CCDC171: variants seen among roughly 807,000 people sequenced by gnomAD.
The protein encoded by CCDC171 is coiled-coil domain-containing protein 171.
CCDC171 carries 177 observed loss-of-function variants against 168.2 expected under a neutral mutation model. The observed-to-expected ratio is 1.05, with a 90% CI of 0.93 to 1.19. The LOEUF (loss-of-function observed/expected upper bound fraction) is 1.19, where lower values mean the gene tolerates loss of function less well. Among genes scored for constraint, CCDC171 ranks in the 50% most tolerant of loss-of-function variants. The pLI is 0.00. For missense variants in CCDC171, 1,991 were observed against 1,539.0 expected (o/e 1.29, Z -4.91); for synonymous variants, 687 against 540.8 (o/e 1.27, Z -3.75).
chr9:15,775,096 C>T (rs540681094), intron 18 of CCDC171, among the ~76,000 whole-genome samples: 1 of 125,186 alleles, frequency 8.0e-6, no homozygotes, highest in South Asian at 2.5e-4. Flanking sequence ...CCTCCAAAAC[C>T]TATTGAAATA....
intron 8 of CCDC171, among the ~76,000 whole-genome samples, chr9:15,665,262 G>A (rs1351225694): frequency 6.6e-6 from 1 of 152,104 alleles, no homozygotes; most frequent in East Asian, 1.9e-4. Context: ...GAGTAGCTGG[G>A]ACTACAGGCG....
Position 15,777,703 on chromosome 9 carries a change from G to T in CCDC171, c.2775G>T (p.Leu925=). The T allele has an allele frequency of 6.2e-7, 1 of 1,613,704 alleles. No individual in the cohort carries two copies. The highest frequency in any genetic ancestry group is 8.5e-7 in the Non-Finnish European group (1 of 1,179,708). The change falls in exon 19 of 26, where the codon CTG becomes CTT. Residue 925 remains leucine, a synonymous_variant. Transcript: ENST00000380701. The part of the protein sequence containing the change: ...KISLVMECIP[L]HSSRSITYVE... Reference sequence around the variant, plus strand: ...GTCTGGTAATGGAATGTATACCTCTGCACAGTAGCAGGAGTATTACATATG... The same window carrying T: ...GTCTGGTAATGGAATGTATACCTCTTCACAGTAGCAGGAGTATTACATATG...
intron 11 of CCDC171, among the ~76,000 whole-genome samples, chr9:15,721,025 G>A (rs79082418): frequency 0.017 from 2,598 of 152,228 alleles, 95 homozygotes; most frequent in African/African-American, 0.059. Flanking sequence ...TTGGAGCTAC[G>A]TTTGATCATG....
At chr9:15,743,383 G>C (rs1026557704) in intron 16 of CCDC171, among the ~76,000 whole-genome samples, 2 of 151,520 alleles carry the variant, frequency 1.3e-5, no homozygotes, top group African/African-American at 4.8e-5. Flanking sequence ...TGTTGCCCAG[G>C]ATGGTCTCAA....
exon 2 of CCDC171, chr9:16,061,198 A>T (rs1833927027): frequency 6.6e-6 from 1 of 152,164 alleles, no homozygotes; most frequent in African/African-American, 2.4e-5. Flanking sequence ...TATAAAATGG[A>T]ATTCTATAGG....
intron 8 of CCDC171, among the ~76,000 whole-genome samples, chr9:15,659,144 G>T (rs2048138845): frequency 6.6e-6 from 1 of 152,150 alleles, no homozygotes; most frequent in Non-Finnish European, 1.5e-5. Flanking sequence ...ATATGGTCAT[G>T]CAAAGTTACC....
At chr9:15,555,953 G>A (rs1563931254) in intron 1 of CCDC171, among the ~76,000 whole-genome samples, 2 of 152,016 alleles carry the variant, frequency 1.3e-5, no homozygotes, top group African/African-American at 2.4e-5. Context: ...CTGTCCTTGC[G>A]ATATTTTGCT....
At chr9:15,691,555 T>TATAC (rs1554762258) in intron 10 of CCDC171, among the ~76,000 whole-genome samples, 1 of 143,834 alleles carries the variant, frequency 7.0e-6, no homozygotes. Context: ...TTTATATATA[T>TATAC]ATATATATAT....
chr9:15,986,129 G>C (rs1014495989), intron 3 of CCDC171, among the ~76,000 whole-genome samples: 2 of 152,204 alleles, frequency 1.3e-5, no homozygotes, highest in African/African-American at 2.4e-5. Flanking sequence ...TGAAATCTGG[G>C]CCTCATTGCT....
chr9:16,014,468 A>G (rs566580478), intron 3 of CCDC171, among the ~76,000 whole-genome samples: 16 of 152,294 alleles, frequency 1.1e-4, no homozygotes, highest in African/African-American at 3.1e-4. Context: ...ACCTCCACCC[A>G]TGAATTACTA....
intron 25 of CCDC171, among the ~76,000 whole-genome samples, chr9:15,960,265 CTAA>C (rs1830214949): frequency 6.6e-6 from 1 of 152,136 alleles, no homozygotes; most frequent in African/African-American, 2.4e-5. Context: ...TAGTTAAGGT[CTAA>C]TAAATAATCC....
At chr9:15,705,726 T>C (rs1396387373) in intron 11 of CCDC171, among the ~76,000 whole-genome samples, 1 of 152,226 alleles carries the variant, frequency 6.6e-6, no homozygotes, top group Admixed American at 6.5e-5. Flanking sequence ...TATCATAGTA[T>C]ATGGAACATT....
intron 18 of CCDC171, among the ~76,000 whole-genome samples, chr9:15,770,237 C>T (rs1057440054): frequency 1.3e-5 from 2 of 152,092 alleles, no homozygotes; most frequent in African/African-American, 2.4e-5. Flanking sequence ...GAAGACCACC[C>T]AAAAAGTTCA....
the CCDC171 span, among the ~76,000 whole-genome samples, chr9:16,105,683 G>T: frequency 1.3e-5 from 2 of 152,182 alleles, no homozygotes; most frequent in Admixed American, 6.5e-5. Flanking sequence ...TGGTGACTTT[G>T]ACTTCAAGTT....
the CCDC171 span, among the ~76,000 whole-genome samples, chr9:16,067,937 G>A: frequency 6.6e-6 from 1 of 152,116 alleles, no homozygotes; most frequent in Non-Finnish European, 1.5e-5. Flanking sequence ...GATTGACATA[G>A]TGTTGGAAGT....
intron 21 of CCDC171, among the ~76,000 whole-genome samples, chr9:15,831,369 G>T (rs1010278579): frequency 1.3e-5 from 2 of 152,166 alleles, no homozygotes; most frequent in Non-Finnish European, 2.9e-5. Flanking sequence ...AATAGATCAT[G>T]TAATAAAAGA....
chr9:16,096,834 A>G, the CCDC171 span, among the ~76,000 whole-genome samples: 3 of 152,008 alleles, frequency 2.0e-5, no homozygotes, highest in Non-Finnish European at 4.4e-5. Flanking sequence ...CTCTGCCCAC[A>G]CTTTGTAGAT....
chr9:15,791,096 A>C (rs1435038536), intron 21 of CCDC171, among the ~76,000 whole-genome samples: 1 of 152,162 alleles, frequency 6.6e-6, no homozygotes, highest in Admixed American at 6.5e-5. Context: ...TTTTGGTTCC[A>C]TATGAACTTT....
intron 7 of CCDC171, among the ~76,000 whole-genome samples, chr9:15,656,414 C>T (rs892817341): frequency 2.0e-5 from 3 of 152,016 alleles, no homozygotes; most frequent in African/African-American, 7.2e-5. Flanking sequence ...AAGTGTGTGT[C>T]TCTACAAAGT....
Sources: gnomAD v4.1 joint callset for allele counts (sites outside exome capture counted in the v4.1 genomes callset) on GRCh38, gnomAD v4.1.1 for gene constraint, MANE v1.5 for transcripts, NCBI Gene and HGNC (gene_info 2026-07-23, HGNC 2026-07-21) for gene names.